The following RCN2 variants were observed in gnomAD, a reference collection of about 807,000 sequenced individuals.
The protein encoded by RCN2 is reticulocalbin-2.
Under a neutral mutation model 37.5 loss-of-function variants are expected in RCN2, and 23 were observed. The observed-to-expected ratio is 0.61, with a 90% CI of 0.44 to 0.87. The LOEUF (loss-of-function observed/expected upper bound fraction) is 0.87, where lower values mean the gene tolerates loss of function less well. Among genes scored for constraint, RCN2 ranks in the 40% least tolerant of loss-of-function variants. RCN2 has a pLI of 0.00. For synonymous variants in RCN2, 140 were observed against 144.6 expected, an observed-to-expected ratio of 0.97 and a Z score of 0.23; for missense variants, 381 against 390.4, an observed-to-expected ratio of 0.98 and a Z score of 0.20.
At chr15:76,936,644 A>G (rs534445387) in intron 3 of RCN2, among the ~76,000 whole-genome samples, 68 of 152,254 alleles carry the variant, frequency 4.5e-4, no homozygotes, top group African/African-American at 1.4e-3. Flanking sequence ...TCCGCGACCT[A>G]GGGATTGAGG....
chr15:76,948,768 A>G (rs2075306910), intron 6 of RCN2: 2 of 526,856 alleles, frequency 3.8e-6, no homozygotes, highest in East Asian at 3.0e-5. Flanking sequence ...AGTACAGTGA[A>G]TAGAATAATA....
chr15:76,938,455 T>C (rs2075262247), intron 3 of RCN2, among the ~76,000 whole-genome samples: 1 of 152,210 alleles, frequency 6.6e-6, no homozygotes, highest in Non-Finnish European at 1.5e-5. Context: ...CTCACAAATA[T>C]GGAGGGAGGA....
rs1261987521 is a variant in RCN2 at position 76,953,486 on chromosome 15, G to C, written c.*4264G>C. On this transcript the variant is annotated 3_prime_UTR_variant, in exon 7 of 7. Transcript: ENST00000394885. ...TATGGGTGTACAAATATTTCTTTGA[G>C]ATCCTGCTTTTAGTTCTTTTGGATA... The C allele has an allele frequency of 1.5e-5, 2 of 134,332 alleles. No homozygotes were observed. The highest frequency in any genetic ancestry group is 1.6e-4 in the Admixed American group (2 of 12,382). The allele number at this position is 134,332 out of a possible 1,614,324, so 8.3% of individuals were successfully genotyped here. A position where few individuals can be genotyped will look rare whatever the true frequency, so the allele number is the denominator to read the frequency against.
In RCN2 at chr15:76,952,427, A is replaced by G. The variant is rs2075325894; in HGVS notation, c.*3205A>G. On this transcript the variant is annotated 3_prime_UTR_variant, in exon 7 of 7. Transcript: ENST00000394885. The stretch of plus-strand genomic sequence containing the variant: ...TACTGTTCATAATTTTTTAGATTGT[A>G]GTAAAATACACATAACAAAATTCAT... The G allele has an allele frequency of 6.6e-6, 1 of 150,694 alleles. No homozygotes were observed. The highest frequency in any genetic ancestry group is 2.4e-5 in the African/African-American group (1 of 41,322). 9.3% of individuals were successfully genotyped at this position (150,694 alleles called of 1,614,324 possible).
chr15:76,936,083 C>T (rs987738315), intron 3 of RCN2, among the ~76,000 whole-genome samples: 3 of 151,248 alleles, frequency 2.0e-5, no homozygotes, highest in African/African-American at 7.3e-5. Flanking sequence ...CATTTTTAAA[C>T]ACATAGTTTT....
Position 76,931,963 on chromosome 15 carries a change from G to A in RCN2, c.122G>A (p.Arg41His). Residue 41 changes from arginine to histidine, a missense_variant, in exon 1 of 7, where the codon CGC becomes CAC. Transcript: ENST00000394885. ...PLGERRSDYD[R>H]EALLGVQEDV... is the part of the protein sequence containing the mutation. The stretch of plus-strand genomic sequence containing the variant: ...GGCGAGCGCCGCAGCGACTACGACC[G>A]CGAGGCGCTGCTGGGCGTCCAGGTG... 2 of 1,272,710 alleles carry A rather than the reference G, an allele frequency of 1.6e-6. No homozygotes were observed. The highest frequency in any genetic ancestry group is 6.7e-5 in the East Asian group (2 of 30,024). The allele number at this position is 1,272,710 out of a possible 1,614,324, so 78.8% of individuals were successfully genotyped here.
intron 1 of RCN2, 146 bp downstream of exon 1, chr15:76,932,131 T>C: frequency 1.2e-6 from 1 of 824,642 alleles, no homozygotes. Flanking sequence ...ACTCGCTCTC[T>C]GGGGGTCCTG....
intron 2 of RCN2, among the ~76,000 whole-genome samples, chr15:76,933,089 T>A (rs372193981): frequency 1.3e-5 from 2 of 152,058 alleles, no homozygotes; most frequent in East Asian, 3.8e-4. Context: ...AAAAAAAAAA[T>A]CTGATGCTCT....
intron 4 of RCN2, among the ~76,000 whole-genome samples, chr15:76,946,926 G>A (rs1231165889): frequency 6.6e-6 from 1 of 152,198 alleles, no homozygotes; most frequent in Non-Finnish European, 1.5e-5. Context: ...GGGGAAGCAA[G>A]GAGATTGAGG....
chr15:76,932,313 C>T (rs2075227369), intron 1 of RCN2, 48 bp from the exon 2 acceptor site: 2 of 1,441,378 alleles, frequency 1.4e-6, no homozygotes, highest in Non-Finnish European at 9.7e-7. Flanking sequence ...CCATTTTGCC[C>T]CACTGATAGT....
chr15:76,935,811 A>T, intron 3 of RCN2, 89 bp downstream of exon 3: 1 of 921,924 alleles, frequency 1.1e-6, no homozygotes, highest in Admixed American at 2.5e-5. Context: ...GCCTGAGGTC[A>T]TAAGCTGGAT....
chr15:76,942,222 C>A (rs1207901548), intron 3 of RCN2: 1 of 152,320 alleles, frequency 6.6e-6, no homozygotes, highest in South Asian at 2.1e-4. Flanking sequence ...AGGTAAATGA[C>A]TGCTACCTGA....
At chr15:76,948,632 T>A in intron 6 of RCN2, 80 bp downstream of exon 6, 1 of 1,367,828 alleles carries the variant, frequency 7.3e-7, no homozygotes, top group Non-Finnish European at 9.8e-7. Flanking sequence ...AAGTTCAAAA[T>A]CTTAAGCCAA....
rs2075320783 is a variant in RCN2, at chr15:76,951,563, CTTT to C, written c.*2343_*2345del. 6.6e-6 allele frequency: 1 copy of C among 152,130 alleles called. No homozygotes were observed. The highest frequency in any genetic ancestry group is 2.4e-5 in the African/African-American group (1 of 41,408). The allele number at this position is 152,130 out of a possible 1,614,324, so 9.4% of individuals were successfully genotyped here. A position where few individuals can be genotyped will look rare whatever the true frequency, so the allele number is the denominator to read the frequency against. Reference sequence around the variant, plus strand: ...TGAAGATTTCACATTTAACAATAGGCTTTTAATAAGCATGCAGAGAAAAAGAAT... The same window carrying C: ...TGAAGATTTCACATTTAACAATAGGCTAATAAGCATGCAGAGAAAAAGAAT... On this transcript the variant is annotated 3_prime_UTR_variant, in exon 7 of 7. Transcript: ENST00000394885.
rs567649887 is a variant in RCN2, at chr15:76,950,157, T to C, written c.*935T>C. 2 of 152,294 alleles carry C rather than the reference T, an allele frequency of 1.3e-5. No individual in the cohort carries two copies. Among genetic ancestry groups the C allele is most frequent in the South Asian group, 4.1e-4 (2 of 4,826 alleles). The allele number at this position is 152,294 out of a possible 1,614,324, so 9.4% of individuals were successfully genotyped here. On this transcript the variant is annotated 3_prime_UTR_variant, in exon 7 of 7. Coordinates refer to ENST00000394885, the MANE Select transcript of RCN2 (RefSeq NM_002902.3). ...TGGTTTTGCTCTTTGGGGCTATAAA[T>C]AATCTTGAGTAACGCAGGTTGGAAT... is the stretch of plus-strand genomic sequence containing the variant.
At chr15:76,943,559 G>T in intron 3 of RCN2, 199 bp from the exon 4 acceptor site, 1 of 402,006 alleles carries the variant, frequency 2.5e-6, no homozygotes, top group East Asian at 3.7e-5. Flanking sequence ...CTGGAATTCA[G>T]GTCTGGGTCT....
At chr15:76,937,711 A>G (rs2075258421) in intron 3 of RCN2, among the ~76,000 whole-genome samples, 1 of 152,128 alleles carries the variant, frequency 6.6e-6, no homozygotes, top group Non-Finnish European at 1.5e-5. Context: ...CCTGGCCCCA[A>G]ATTACTCATT....
intron 3 of RCN2, among the ~76,000 whole-genome samples, chr15:76,938,181 AAGGC>A (rs2075261063): frequency 6.6e-6 from 1 of 152,204 alleles, no homozygotes; most frequent in Non-Finnish European, 1.5e-5. Flanking sequence ...GAAAATATTC[AAGGC>A]TCTTCTGTTT....
chr15:76,935,589 A>G lies in RCN2; in HGVS notation c.314A>G (p.Gln105Arg). The change falls in exon 3 of 7, where the codon CAG (glutamine) becomes CGG (arginine). Residue 105 changes from glutamine (Q) to arginine (R), a missense_variant. By Grantham distance (43) the Gln-to-Arg change is conservative. Coordinates refer to ENST00000394885, the MANE Select transcript of RCN2 (RefSeq NM_002902.3). ...TATGCTATGCAAGAAGCAAAACAACAGTTTGTTGAATATGATAAAAACAGT... is the reference window on the plus strand; with the variant it reads ...TATGCTATGCAAGAAGCAAAACAACGGTTTGTTGAATATGATAAAAACAGT... ...KHYAMQEAKQ[Q>R]FVEYDKNSDD... 6.2e-7 allele frequency: 1 copy of G among 1,613,636 alleles called. No homozygotes were observed. The highest frequency in any genetic ancestry group is 8.5e-7 in the Non-Finnish European group (1 of 1,179,602).
Sources: allele counts gnomAD v4.1 joint callset (sites outside exome capture counted in the v4.1 genomes callset), GRCh38; gene constraint gnomAD v4.1.1; transcripts MANE v1.5; gene names NCBI Gene and HGNC (gene_info 2026-07-23, HGNC 2026-07-21).